Variants in ZBBX observed in about 807,000 individuals in gnomAD.
ZBBX encodes the protein zinc finger B-box domain-containing protein 1.
In ZBBX, 101 loss-of-function variants were observed where a neutral mutation model predicts 108.5. The ratio of observed to expected loss-of-function variants is 0.93; its 90% CI spans 0.79 to 1.10. The LOEUF is 1.10. Ranked by LOEUF, ZBBX falls within the 50% of genes least tolerant of loss-of-function variation. The pLI is 0.00. For synonymous variants in ZBBX, 356 were observed against 323.4 expected, an observed-to-expected ratio of 1.10 and a Z score of -1.08; for missense variants, 1,009 against 941.4, an observed-to-expected ratio of 1.07 and a Z score of -0.94.
the ZBBX span, among the ~76,000 whole-genome samples, chr3:167,191,938 G>T: frequency 6.4e-5 from 2 of 31,244 alleles, no homozygotes; most frequent in Admixed American, 4.2e-4. Context: ...TATATATAGA[G>T]CAAGTTATTT....
intron 9 of ZBBX, among the ~76,000 whole-genome samples, chr3:167,350,010 T>C (rs138014393): frequency 0.015 from 2,292 of 151,878 alleles, 21 homozygotes; most frequent in Middle Eastern, 0.068. Flanking sequence ...TAAATAATAA[T>C]GGGCAAAGAT....
intron 12 of ZBBX, among the ~76,000 whole-genome samples, chr3:167,318,097 A>G (rs1314572190): frequency 6.6e-6 from 1 of 151,986 alleles, no homozygotes; most frequent in Non-Finnish European, 1.5e-5. Context: ...TACTTAATTA[A>G]CAATGAAGAC....
upstream of ZBBX, among the ~76,000 whole-genome samples, chr3:167,382,542 T>G (rs1203528208): frequency 6.6e-6 from 1 of 152,084 alleles, no homozygotes; most frequent in Non-Finnish European, 1.5e-5. Context: ...TTTAAAGAGA[T>G]AAAAATTACC....
At chr3:167,330,107 T>C (rs918453583) in intron 10 of ZBBX, among the ~76,000 whole-genome samples, 1 of 152,182 alleles carries the variant, frequency 6.6e-6, no homozygotes, top group Non-Finnish European at 1.5e-5. Context: ...TTTTTAAAAG[T>C]CTTTTCACAT....
chr3:167,327,642 C>A (rs559726761), intron 11 of ZBBX, among the ~76,000 whole-genome samples: 180 of 152,170 alleles, frequency 1.2e-3, no homozygotes, highest in Non-Finnish European at 1.5e-3. Context: ...ACGGGCTGGG[C>A]ACAGTGGCTC....
chr3:167,330,805 GA>G (rs1277302835), intron 10 of ZBBX, among the ~76,000 whole-genome samples: 17 of 148,780 alleles, frequency 1.1e-4, no homozygotes, highest in African/African-American at 2.2e-4. Flanking sequence ...AGAAGAAGAA[GA>G]AGGAGGAGGA....
At chr3:167,279,025 A>G (rs1463042402) in intron 20 of ZBBX, among the ~76,000 whole-genome samples, 1 of 152,100 alleles carries the variant, frequency 6.6e-6, no homozygotes, top group Non-Finnish European at 1.5e-5. Context: ...ATAGATGCAG[A>G]AAAAGCCTTT....
At position 167,242,609 on chromosome 3, in the gene ZBBX, T is replaced by G; in HGVS notation, c.2289A>C (p.Glu763Asp). 6.2e-7 allele frequency: 1 copy of G among 1,613,618 alleles called. No homozygotes were observed. The highest frequency in any genetic ancestry group is 8.5e-7 in the Non-Finnish European group (1 of 1,179,786). Residue 763 changes from glutamate (E) to aspartate (D), a missense_variant, in exon 21 of 22, where the codon GAA becomes GAC. Coordinates refer to ENST00000675490, the MANE Select transcript of ZBBX (RefSeq NM_001199201.2). ...ATTGGCTGCTGAAATCTGGGAACTC[T>G]TCTGAGGTTAAGCTGTAAAGCTTTT... ...TSEKLYSLTS[E>D]EFPDFSSQSL...
chr3:167,245,390 T>A (rs941448256), intron 20 of ZBBX, among the ~76,000 whole-genome samples: 2 of 152,232 alleles, frequency 1.3e-5, no homozygotes, highest in Non-Finnish European at 2.9e-5. Flanking sequence ...CCTTCCTTAA[T>A]TTTTATTCTT....
chr3:167,185,168 T>C, the ZBBX span, among the ~76,000 whole-genome samples: 1 of 152,152 alleles, frequency 6.6e-6, no homozygotes, highest in Non-Finnish European at 1.5e-5. Context: ...GGTACATCTA[T>C]ACAATGAAAA....
At chr3:167,358,961 A>AAG (rs1560179082) in intron 8 of ZBBX, among the ~76,000 whole-genome samples, 14 of 132,892 alleles carry the variant, frequency 1.1e-4, no homozygotes, top group African/African-American at 3.6e-4. Flanking sequence ...AAAAAAAAAA[A>AAG]AGAGAGAGAA....
chr3:167,183,069 G>T, the ZBBX span, among the ~76,000 whole-genome samples: 2,295 of 152,232 alleles, frequency 0.015, 55 homozygotes, highest in African/African-American at 0.052. Flanking sequence ...GATCTGGAGG[G>T]TTAGCCACTC....
At chr3:167,301,339 A>G (rs1415568938) in intron 17 of ZBBX, among the ~76,000 whole-genome samples, 5 of 152,192 alleles carry the variant, frequency 3.3e-5, no homozygotes, top group African/African-American at 7.2e-5. Context: ...CAGACTATCT[A>G]ACTAAATGAA....
the ZBBX span, among the ~76,000 whole-genome samples, chr3:167,228,696 G>A: frequency 6.6e-6 from 1 of 151,754 alleles, no homozygotes; most frequent in Non-Finnish European, 1.5e-5. Flanking sequence ...AGCTGCATTT[G>A]ACAATACAGT....
intron 5 of ZBBX, chr3:167,366,809 C>G (rs758527937): frequency 1.3e-5 from 6 of 455,644 alleles, no homozygotes; most frequent in Admixed American, 1.2e-4. Context: ...AACTCCGATT[C>G]TCAGATGAGT....
the ZBBX span, among the ~76,000 whole-genome samples, chr3:167,195,184 C>T: frequency 6.6e-6 from 1 of 152,096 alleles, no homozygotes; most frequent in African/African-American, 2.4e-5. Flanking sequence ...GGAGGATAAT[C>T]AGTGACAGCA....
At chr3:167,367,575 T>A (rs889865791) in intron 5 of ZBBX, among the ~76,000 whole-genome samples, 2 of 134,448 alleles carry the variant, frequency 1.5e-5, no homozygotes, top group Non-Finnish European at 3.2e-5. Flanking sequence ...TATTTTTAGA[T>A]GAACTCATTT....
rs1336046493 is a variant in ZBBX at position 167,365,357 on chromosome 3, TATA to T, written c.273+526_273+528del. On this transcript the variant is annotated intron_variant, in intron 6 of 21. Coordinates refer to ENST00000675490, the MANE Select transcript of ZBBX (RefSeq NM_001199201.2). ...ACACTTATCTGATTTTCATCTTAAA[TATA>T]ATATTATATTTTATAGCACACAGTA... 4.6e-5 allele frequency among the ~76,000 whole-genome samples: 7 copies of T among 151,880 alleles called. No homozygotes were observed. In the East Asian group the frequency reaches 1.3e-3, roughly 29 times the overall value.
the ZBBX span, among the ~76,000 whole-genome samples, chr3:167,183,289 CA>C: frequency 6.6e-6 from 1 of 152,294 alleles, no homozygotes; most frequent in South Asian, 2.1e-4. Flanking sequence ...CTGATGTTTC[CA>C]AGCTCCCCTT....
Sources: allele counts gnomAD v4.1 joint callset (sites outside exome capture counted in the v4.1 genomes callset), GRCh38; gene constraint gnomAD v4.1.1; transcripts MANE v1.5; gene names NCBI Gene and HGNC (gene_info 2026-07-23, HGNC 2026-07-21).